PCSK2: variants seen among roughly 807,000 people sequenced by gnomAD.
PCSK2 encodes proprotein convertase subtilisin/kexin type 2, also known as neuroendocrine convertase 2.
Under a neutral mutation model 69.7 loss-of-function variants are expected in PCSK2, and 14 were observed. The observed-to-expected ratio is 0.20, with a 90% confidence interval of 0.13 to 0.31. PCSK2 has a LOEUF of 0.31. Among genes scored for constraint, PCSK2 ranks in the 10% least tolerant of loss-of-function variants. The pLI, the probability that PCSK2 is intolerant of heterozygous loss-of-function variation, is 1.00. For synonymous variants in PCSK2, 307 were observed against 320.7 expected (o/e 0.96, Z 0.46); for missense variants, 544 against 842.5 (o/e 0.65, Z 4.39).
chr20:17,303,824 C>T (rs1021776322), intron 2 of PCSK2, among the ~76,000 whole-genome samples: 2 of 148,330 alleles, frequency 1.3e-5, no homozygotes, highest in African/African-American at 4.9e-5. Context: ...TGATCCACCC[C>T]CCACCCCGCC....
At chr20:17,419,978 G>C (rs1364872687) in intron 6 of PCSK2, among the ~76,000 whole-genome samples, 1 of 152,130 alleles carries the variant, frequency 6.6e-6, no homozygotes, top group African/African-American at 2.4e-5. Context: ...TATAAATTCA[G>C]GAAGAGAGAA....
intron 11 of PCSK2, among the ~76,000 whole-genome samples, chr20:17,480,810 G>A (rs944837624): frequency 3.3e-5 from 5 of 152,164 alleles, no homozygotes; most frequent in South Asian, 2.1e-4. Context: ...TAGAGAAACC[G>A]GGGTAAAAAC....
intron 2 of PCSK2, among the ~76,000 whole-genome samples, chr20:17,282,023 C>G (rs1421783952): frequency 2.0e-5 from 3 of 152,118 alleles, no homozygotes; most frequent in Non-Finnish European, 4.4e-5. Context: ...TAACAGTTCT[C>G]TCCTACCCTG....
chr20:17,387,382 G>T (rs2031263113), intron 5 of PCSK2, among the ~76,000 whole-genome samples: 1 of 152,112 alleles, frequency 6.6e-6, no homozygotes, highest in Admixed American at 6.5e-5. Context: ...AGTTTGGCTG[G>T]GTGGCTCCGT....
At chr20:17,427,703 T>C (rs1413075679) in intron 6 of PCSK2, among the ~76,000 whole-genome samples, 4 of 152,256 alleles carry the variant, frequency 2.6e-5, no homozygotes, top group Non-Finnish European at 4.4e-5. Flanking sequence ...TTGTCTTGGC[T>C]GAGCTCACCC....
rs550714032 is a variant in PCSK2, at chr20:17,278,450, C to G, written c.282+18106C>G. 7.9e-5 allele frequency among the ~76,000 whole-genome samples: 12 copies of G among 152,210 alleles called. No individual in the cohort carries two copies. In the South Asian group the frequency reaches 1.7e-3, roughly 21 times the overall value. On this transcript the variant is annotated intron_variant, in intron 2 of 11. Coordinates refer to ENST00000262545, the MANE Select transcript of PCSK2 (RefSeq NM_002594.5). ...ATGGATGAAGCTGGAAACCATCATT[C>G]TCAGCAAACTATTGCAAGGACTAAA...
chr20:17,235,195 T>C (rs1368290037), intron 1 of PCSK2, among the ~76,000 whole-genome samples: 2 of 152,088 alleles, frequency 1.3e-5, no homozygotes, highest in Non-Finnish European at 2.9e-5. Flanking sequence ...TGTGCTGAGA[T>C]TGTCGATAAA....
intron 1 of PCSK2, among the ~76,000 whole-genome samples, chr20:17,239,814 G>GA (rs1307185873): frequency 2.3e-5 from 3 of 129,842 alleles, no homozygotes; most frequent in African/African-American, 8.7e-5. Flanking sequence ...ATAGATAGAT[G>GA]AAAAATCAAA....
chr20:17,313,582 C>G (rs552937640), intron 2 of PCSK2, among the ~76,000 whole-genome samples: 2 of 152,232 alleles, frequency 1.3e-5, no homozygotes, highest in East Asian at 3.9e-4. Flanking sequence ...TTTTTCTCCC[C>G]CTCATCAACC....
At chr20:17,291,216 C>T (rs1217809641) in intron 2 of PCSK2, among the ~76,000 whole-genome samples, 1 of 151,854 alleles carries the variant, frequency 6.6e-6, no homozygotes, top group Non-Finnish European at 1.5e-5. Context: ...ACTAATGTTG[C>T]ACATACAACC....
intron 5 of PCSK2, among the ~76,000 whole-genome samples, chr20:17,407,191 C>G (rs1051443830): frequency 8.5e-5 from 13 of 152,134 alleles, no homozygotes. Flanking sequence ...CACTATGTCC[C>G]TGTTGTGAGC....
intron 8 of PCSK2, among the ~76,000 whole-genome samples, chr20:17,446,350 C>T (rs1005248713): frequency 6.6e-6 from 1 of 152,200 alleles, no homozygotes; most frequent in Admixed American, 6.5e-5. Context: ...TGATACCCTA[C>T]TCCCGCTGAA....
chr20:17,425,803 CA>C, intron 6 of PCSK2, among the ~76,000 whole-genome samples: 1 of 152,104 alleles, frequency 6.6e-6, no homozygotes, highest in Non-Finnish European at 1.5e-5. Context: ...TTTTTTGCAT[CA>C]AACTACTTGA....
Position 17,377,357 on chromosome 20 carries a change from G to C in PCSK2, c.543+8080G>C, listed in dbSNP as rs1374685592. Among the ~76,000 whole-genome samples, 3 of 152,220 alleles carry C rather than the reference G, an allele frequency of 2.0e-5. No individual in the cohort carries two copies. The East Asian group carries it at 5.8e-4, about 29-fold the overall frequency. ...TTTAGATGGGTCCTGACAGGTGACT[G>C]TCTCTGAAGTGGGTGCCTGCTGAGA... On this transcript the variant is annotated intron_variant, in intron 5 of 11. Coordinates refer to ENST00000262545, the MANE Select transcript of PCSK2 (RefSeq NM_002594.5).
intron 5 of PCSK2, among the ~76,000 whole-genome samples, chr20:17,404,358 G>C (rs187709903): frequency 3.9e-5 from 6 of 152,204 alleles, no homozygotes; most frequent in African/African-American, 1.4e-4. Flanking sequence ...TCTCTGCCAA[G>C]GGCAGTGTTC....
chr20:17,362,795 T>C (rs1455952131), intron 4 of PCSK2, among the ~76,000 whole-genome samples: 1 of 152,258 alleles, frequency 6.6e-6, no homozygotes, highest in Non-Finnish European at 1.5e-5. Context: ...CCATTTTTAA[T>C]GCATCACATG....
chr20:17,349,932 T>G (rs968284038), intron 2 of PCSK2, among the ~76,000 whole-genome samples: 26 of 152,066 alleles, frequency 1.7e-4, no homozygotes, highest in African/African-American at 6.0e-4. Context: ...CCCAGGTGAT[T>G]GCACTGTGCA....
At chr20:17,379,763 T>C (rs1189562872) in intron 5 of PCSK2, among the ~76,000 whole-genome samples, 1 of 152,230 alleles carries the variant, frequency 6.6e-6, no homozygotes, top group Non-Finnish European at 1.5e-5. Flanking sequence ...TAGAGATTTT[T>C]TTCAGATGTC....
chr20:17,443,469 T>C (rs1360300798), intron 8 of PCSK2, among the ~76,000 whole-genome samples: 1 of 152,090 alleles, frequency 6.6e-6, no homozygotes, highest in African/African-American at 2.4e-5. Flanking sequence ...TGGAGAGAAA[T>C]TGTTACACAT....
Sources: allele counts gnomAD v4.1 joint callset (sites outside exome capture counted in the v4.1 genomes callset), GRCh38; gene constraint gnomAD v4.1.1; transcripts MANE v1.5; gene names NCBI Gene and HGNC (gene_info 2026-07-23, HGNC 2026-07-21).